The following PTPRG variants were observed in gnomAD, a reference collection of about 807,000 sequenced individuals.
PTPRG encodes protein tyrosine phosphatase receptor type G.
Under a neutral mutation model 165.3 loss-of-function variants are expected in PTPRG, and 102 were observed. That is an observed-to-expected ratio of 0.62 (90% CI 0.53 to 0.73). The LOEUF (loss-of-function observed/expected upper bound fraction) is 0.73, where lower values mean the gene tolerates loss of function less well. Among genes scored for constraint, PTPRG ranks in the 30% least tolerant of loss-of-function variants. The pLI is 0.00. For synonymous variants in PTPRG, 675 were observed against 669.5 expected, an observed-to-expected ratio of 1.01 and a Z score of -0.13; for missense variants, 1,866 against 1,861.4, an observed-to-expected ratio of 1.00 and a Z score of -0.05.
At chr3:61,738,921 C>T (rs966043675) in intron 1 of PTPRG, among the ~76,000 whole-genome samples, 1 of 149,442 alleles carries the variant, frequency 6.7e-6, no homozygotes, top group Non-Finnish European at 1.5e-5. Context: ...ACCACCTTGC[C>T]TGGCTAATTT....
chr3:62,141,918 G>A (rs180776356), intron 6 of PTPRG, among the ~76,000 whole-genome samples: 54 of 151,562 alleles, frequency 3.6e-4, no homozygotes, highest in African/African-American at 1.2e-3. Flanking sequence ...GAAGACATGT[G>A]GGCAAGAATG....
intron 2 of PTPRG, among the ~76,000 whole-genome samples, chr3:61,773,871 T>C (rs2034288047): frequency 6.6e-6 from 1 of 151,942 alleles, no homozygotes; most frequent in Non-Finnish European, 1.5e-5. Flanking sequence ...GTCCCCCGTG[T>C]TCAAGCAATT....
intron 4 of PTPRG, among the ~76,000 whole-genome samples, chr3:62,051,212 A>G (rs1575939153): frequency 6.6e-6 from 1 of 152,210 alleles, no homozygotes; most frequent in African/African-American, 2.4e-5. Flanking sequence ...TGAGCAAAAT[A>G]TAGAAAGTAA....
At chr3:62,128,778 C>T (rs949048830) in intron 5 of PTPRG, among the ~76,000 whole-genome samples, 1 of 150,272 alleles carries the variant, frequency 6.7e-6, no homozygotes, top group African/African-American at 2.5e-5. Flanking sequence ...CAGCCCTCTT[C>T]ACTGTTGTCA....
At chr3:61,688,585 C>T (rs1432229291) in intron 1 of PTPRG, among the ~76,000 whole-genome samples, 1 of 152,214 alleles carries the variant, frequency 6.6e-6, no homozygotes, top group African/African-American at 2.4e-5. Context: ...GCAGGCAAAT[C>T]GGGCTCCTCA....
chr3:62,244,904 G>A (rs1701256385), intron 15 of PTPRG, among the ~76,000 whole-genome samples: 1 of 152,134 alleles, frequency 6.6e-6, no homozygotes, highest in African/African-American at 2.4e-5. Flanking sequence ...GAAACTCAGA[G>A]GTAGAGTCAT....
At chr3:61,900,354 C>G (rs2038466528) in intron 2 of PTPRG, among the ~76,000 whole-genome samples, 1 of 152,168 alleles carries the variant, frequency 6.6e-6, no homozygotes, top group African/African-American at 2.4e-5. Flanking sequence ...ACCATTGCTG[C>G]TGTGCTGTTA....
chr3:61,892,506 T>C (rs2107502325), intron 2 of PTPRG, among the ~76,000 whole-genome samples: 1 of 152,252 alleles, frequency 6.6e-6, no homozygotes, highest in East Asian at 1.9e-4. Context: ...TGAGCCACCA[T>C]GTGATTTCAA....
At chr3:62,148,308 G>A (rs1704198213) in intron 6 of PTPRG, among the ~76,000 whole-genome samples, 1 of 152,126 alleles carries the variant, frequency 6.6e-6, no homozygotes, top group Non-Finnish European at 1.5e-5. Flanking sequence ...CAGGTAGGTG[G>A]TCAGCAAGGG....
intron 15 of PTPRG, among the ~76,000 whole-genome samples, chr3:62,247,436 A>T (rs1559702726): frequency 4.6e-5 from 7 of 152,114 alleles, no homozygotes; most frequent in Admixed American, 2.6e-4. Flanking sequence ...TGAGTTATTG[A>T]TCATTAACTT....
At chr3:62,034,348 TA>T (rs1251818573) in intron 4 of PTPRG, among the ~76,000 whole-genome samples, 1 of 152,228 alleles carries the variant, frequency 6.6e-6, no homozygotes, top group African/African-American at 2.4e-5. Context: ...GCGGTGTTGG[TA>T]TTATTTTCAT....
At chr3:62,090,153 A>C (rs889805635) in intron 5 of PTPRG, among the ~76,000 whole-genome samples, 1 of 152,156 alleles carries the variant, frequency 6.6e-6, no homozygotes, top group African/African-American at 2.4e-5. Flanking sequence ...AACAATACTC[A>C]ATTCTGACTC....
intron 1 of PTPRG, among the ~76,000 whole-genome samples, chr3:61,706,953 A>T (rs977241972): frequency 6.6e-6 from 1 of 152,204 alleles, no homozygotes; most frequent in Non-Finnish European, 1.5e-5. Context: ...GTGCATTTAC[A>T]TATGGGGAAA....
chr3:62,124,304 G>A lies in PTPRG; in HGVS notation c.616-8298G>A, dbSNP rs1204216486. The A allele has an allele frequency of 4.0e-5, 64 of 1,601,432 alleles. No homozygotes were observed. In the Admixed American group the frequency reaches 6.3e-4, roughly 16 times the overall value. On this transcript the variant is annotated intron_variant, in intron 5 of 29. Transcript: ENST00000474889. Reference sequence around the variant, plus strand: ...GATGTCCGTGTTGAGGGTGGTCAGCGGCATCCTGGATGCCTGGTTCTGCCC... The same window carrying A: ...GATGTCCGTGTTGAGGGTGGTCAGCAGCATCCTGGATGCCTGGTTCTGCCC...
intron 5 of PTPRG, among the ~76,000 whole-genome samples, chr3:62,112,207 T>C (rs1323066652): frequency 1.3e-5 from 2 of 152,036 alleles, no homozygotes; most frequent in Non-Finnish European, 1.5e-5. Flanking sequence ...CAGATTCAAG[T>C]GATTCTCCTG....
chr3:62,138,925 A>G (rs1337613765), intron 6 of PTPRG, among the ~76,000 whole-genome samples: 1 of 152,134 alleles, frequency 6.6e-6, no homozygotes, highest in African/African-American at 2.4e-5. Flanking sequence ...TTGTGTACAT[A>G]CACATATACT....
intron 4 of PTPRG, among the ~76,000 whole-genome samples, chr3:62,029,120 T>A (rs1699679342): frequency 6.6e-6 from 1 of 152,172 alleles, no homozygotes; most frequent in Non-Finnish European, 1.5e-5. Context: ...TGTGTGAGTG[T>A]CTTCTCTCAC....
rs58262536 is a variant in PTPRG at position 61,744,106 on chromosome 3, C to G, written c.86-4772C>G. 7.3e-3 allele frequency among the ~76,000 whole-genome samples: 1,110 copies of G among 152,182 alleles called. 8 individuals carry two copies. The highest frequency in any genetic ancestry group is 0.024 in the African/African-American group (1,003 of 41,514). On this transcript the variant is annotated intron_variant, in intron 1 of 29. Coordinates refer to ENST00000474889, the MANE Select transcript of PTPRG (RefSeq NM_002841.4). ...CTGACTCTGTATCTTTACTTGGGAA[C>G]CACAGACTGTTTCTATTTGCAAATC... is the stretch of plus-strand genomic sequence containing the variant.
chr3:61,651,748 G>A (rs979464754), intron 1 of PTPRG, among the ~76,000 whole-genome samples: 1 of 152,292 alleles, frequency 6.6e-6, no homozygotes, highest in East Asian at 1.9e-4. Flanking sequence ...GGTGGCTCAC[G>A]CCTGGAATCC....
Sources: gnomAD v4.1 joint callset for allele counts (sites outside exome capture counted in the v4.1 genomes callset) on GRCh38, gnomAD v4.1.1 for gene constraint, MANE v1.5 for transcripts, NCBI Gene and HGNC (gene_info 2026-07-23, HGNC 2026-07-21) for gene names.